The following QARS1 variants were observed in gnomAD, a reference collection of about 807,000 sequenced individuals.
QARS1 encodes glutaminyl-tRNA synthetase 1, also known as glutamine--tRNA ligase.
In QARS1, 79 loss-of-function variants were observed where a neutral mutation model predicts 106.9. The observed-to-expected ratio is 0.74, with a 90% CI of 0.62 to 0.89. The LOEUF (loss-of-function observed/expected upper bound fraction) is 0.89, where lower values mean the gene tolerates loss of function less well. Among genes scored for constraint, QARS1 ranks in the 40% least tolerant of loss-of-function variants. QARS1 has a pLI of 0.00. For synonymous variants in QARS1, 395 were observed against 367.7 expected, an observed-to-expected ratio of 1.07 and a Z score of -0.85; for missense variants, 966 against 997.2, an observed-to-expected ratio of 0.97 and a Z score of 0.42.
rs766037689 is a variant in QARS1, at chr3:49,103,848, TG to T, written c.375+14del. On this transcript the variant is annotated intron_variant, in intron 3 of 23. Coordinates refer to ENST00000306125, the MANE Select transcript of QARS1 (RefSeq NM_005051.3). ...CAGGACTGGGGAGGCAGACGATGCC[TG>T]GGGAAAGACTCACAGCCTCCTCAAT... 6 of 1,612,162 alleles carry T rather than the reference TG, an allele frequency of 3.7e-6. No homozygotes were observed. The African/African-American group carries it at 8.0e-5, about 22-fold the overall frequency.
In QARS1 at chr3:49,099,047, C is replaced by G; in HGVS notation, c.1759-58G>C. 5 of 1,613,346 alleles carry G rather than the reference C, an allele frequency of 3.1e-6. No individual in the cohort carries two copies. In the South Asian group the frequency reaches 5.5e-5, roughly 18 times the overall value. Reference sequence around the variant, plus strand: ...ATACTCAGCATTAGGACCCCCATGCCCAGAGCCAAGTGTACCCCCAGCTAC... The same window carrying G: ...ATACTCAGCATTAGGACCCCCATGCGCAGAGCCAAGTGTACCCCCAGCTAC... On this transcript the variant is annotated intron_variant, in intron 18 of 23. Coordinates refer to ENST00000306125, the MANE Select transcript of QARS1 (RefSeq NM_005051.3).
In QARS1 at chr3:49,098,464, A is replaced by G. The variant is rs777618796; in HGVS notation, c.1973T>C (p.Val658Ala). 1 of 1,614,088 alleles carries G rather than the reference A, an allele frequency of 6.2e-7. No homozygotes were observed. The change falls in exon 21 of 24, where the codon GTA becomes GCA. Residue 658 changes from valine (V) to alanine (A), a missense_variant. Coordinates refer to ENST00000306125, the MANE Select transcript of QARS1 (RefSeq NM_005051.3). ...QHVVKGPSGC[V>A]ESLEVTCRRA... The stretch of plus-strand genomic sequence containing the variant: ...TCTGCAGGTCACCTCCAGACTCTCT[A>G]CACAACCACTGGGGCCCTGGAAGTG...
intron 2 of QARS1, 101 bp from the exon 3 acceptor site, chr3:49,104,073 A>C (rs764270533): frequency 1.6e-6 from 2 of 1,253,796 alleles, no homozygotes; most frequent in Non-Finnish European, 2.3e-6. Context: ...TGGCCTCCTG[A>C]AAAGTTAAGC....
chr3:49,101,890 G>A lies in QARS1; in HGVS notation c.641C>T (p.Ala214Val). 1 of 1,611,328 alleles carries A rather than the reference G, an allele frequency of 6.2e-7. No individual in the cohort carries two copies. The highest frequency in any genetic ancestry group is 8.5e-7 in the Non-Finnish European group (1 of 1,178,662). The change falls in exon 8 of 24, where the codon GCT becomes GTT. Residue 214 changes from alanine to valine, a missense_variant. Transcript: ENST00000306125. ...CTCCATCAGAGACAGGGTCTGGTCA[G>A]CAGTCTCGCCTGTGGGGAACAAAAC... ...AKDVVENGET[A>V]DQTLSLMEQL... is the part of the protein sequence containing the mutation.
intron 8 of QARS1, 55 bp downstream of exon 8, chr3:49,101,773 A>G: frequency 1.2e-6 from 2 of 1,609,258 alleles, no homozygotes; most frequent in Non-Finnish European, 1.7e-6. Context: ...GGGCCTGACT[A>G]TAGGAGCTGC....
At chr3:49,097,057 C>T (rs1048080908) in intron 23 of QARS1, 2 of 150,810 alleles carry the variant, frequency 1.3e-5, no homozygotes, top group Non-Finnish European at 2.9e-5. Flanking sequence ...AATCCCAGCA[C>T]TCTAGGAGGC....
intron 23 of QARS1, chr3:49,097,138 A>G (rs546992005): frequency 1.3e-5 from 2 of 152,448 alleles, no homozygotes; most frequent in South Asian, 2.0e-4. Flanking sequence ...ACTTGCCTCT[A>G]CAAAAAGTTT....
intron 7 of QARS1, 87 bp downstream of exon 7, chr3:49,102,118 A>C (rs2042479169): frequency 6.5e-7 from 1 of 1,545,144 alleles, no homozygotes; most frequent in African/African-American, 1.4e-5. Context: ...GAGTAAGCCA[A>C]GGGCCTGAGG....
At chr3:49,098,521 C>T (rs1478961229) in intron 20 of QARS1, 41 bp from the exon 21 acceptor site, 3 of 1,613,666 alleles carry the variant, frequency 1.9e-6, no homozygotes, top group Non-Finnish European at 1.7e-6. Flanking sequence ...GACCCGGGAA[C>T]CACAACCAGG....
intron 5 of QARS1, among the ~76,000 whole-genome samples, chr3:49,103,077 C>T (rs1040972429): frequency 1.3e-5 from 2 of 152,158 alleles, no homozygotes; most frequent in African/African-American, 4.8e-5. Context: ...CCCACCACAG[C>T]CCCACAAATT....
chr3:49,099,572 G>A lies in QARS1; in HGVS notation c.1464C>T (p.Asn488=). The A allele has an allele frequency of 6.2e-7, 1 of 1,614,204 alleles. No individual in the cohort carries two copies. Among genetic ancestry groups the A allele is most frequent in the Non-Finnish European group, 8.5e-7 (1 of 1,180,024 alleles). Residue 488 remains asparagine, a synonymous_variant, in exon 16 of 24, where the codon AAC becomes AAT. Coordinates refer to ENST00000306125, the MANE Select transcript of QARS1 (RefSeq NM_005051.3). ...TCTTAGAGACAACAGCATAGTGCAG[G>A]TTGAGGCGGCCATACTCCCACTGCA... is the stretch of plus-strand genomic sequence containing the variant. The part of the protein sequence containing the change: ...CPVQWEYGRL[N]LHYAVVSKRK...
At position 49,098,442 on chromosome 3, in the gene QARS1, G is replaced by T. The variant is rs1575399021; in HGVS notation, c.1995C>A (p.Cys665Ter). Residue 665 changes from cysteine (C) to a stop codon, truncating the protein, a stop_gained, in exon 21 of 24, where the codon TGC becomes TGA. Coordinates refer to ENST00000306125, the MANE Select transcript of QARS1 (RefSeq NM_005051.3). LOFTEE classifies it high-confidence loss of function. ...GCTTCTCTCCAGCATCTGCCCGTCT[G>T]CAGGTCACCTCCAGACTCTCTACAC... is the stretch of plus-strand genomic sequence containing the variant. ...SGCVESLEVT[C>*]RRADAGEKPK... 16 of 1,614,210 alleles carry T rather than the reference G, an allele frequency of 9.9e-6. No homozygotes were observed. Among genetic ancestry groups the T allele is most frequent in the Non-Finnish European group, 1.3e-5 (15 of 1,180,038 alleles).
At chr3:49,099,709 G>T (rs1434744334) in intron 15 of QARS1, 52 bp downstream of exon 15, 17 of 1,613,398 alleles carry the variant, frequency 1.1e-5, no homozygotes, top group African/African-American at 4.0e-5. Flanking sequence ...ACCACAGGAA[G>T]GGCTGCTGGA....
chr3:49,098,637 T>C lies in QARS1; in HGVS notation c.1919A>G (p.His640Arg). ...CTGCAGCTCAATGACGTAGCCTGTA[T>C]GCCTCAGGCCCACAGGCTGGCCCCA... ...LAWGQPVGLR[H>R]TGYVIELQHV... The change falls in exon 20 of 24, where the codon CAT becomes CGT. Residue 640 changes from histidine (H) to arginine (R), a missense_variant. By Grantham distance (29) the His-to-Arg change is conservative. Transcript: ENST00000306125. 6.2e-7 allele frequency: 1 copy of C among 1,611,952 alleles called. No homozygotes were observed. The highest frequency in any genetic ancestry group is 8.5e-7 in the Non-Finnish European group (1 of 1,178,986).
chr3:49,097,668 C>T (rs964159471), intron 23 of QARS1, among the ~76,000 whole-genome samples: 8 of 151,748 alleles, frequency 5.3e-5, no homozygotes, highest in South Asian at 4.2e-4. Flanking sequence ...TGGTGGCAGG[C>T]GCCTGTAATC....
At chr3:49,100,151 T>C (rs751836444) in intron 13 of QARS1, 39 bp downstream of exon 13, 6 of 1,614,082 alleles carry the variant, frequency 3.7e-6, no homozygotes, top group East Asian at 4.5e-5. Context: ...TCTCAGCACC[T>C]TGGCCCACCC....
In QARS1 at chr3:49,098,261, G is replaced by A. The variant is rs1024765171; in HGVS notation, c.2085-3C>T. On this transcript the variant is annotated splice_region_variant and splice_polypyrimidine_tract_variant and intron_variant, in intron 21 of 23. Transcript: ENST00000306125. ...CTTCAGGGTTCTTGTGCTGGAATCT[G>A]CAGCCAAAGTGAAGGTCATACCCCC... 1.1e-5 allele frequency: 17 copies of A among 1,614,040 alleles called. No individual in the cohort carries two copies. The Admixed American group carries it at 2.3e-4, about 22-fold the overall frequency.
chr3:49,099,499 G>A lies in QARS1; in HGVS notation c.1526+11C>T, dbSNP rs2107100109. 1.2e-6 allele frequency: 2 copies of A among 1,614,166 alleles called. No homozygotes were observed. Among genetic ancestry groups the A allele is most frequent in the African/African-American group, 2.7e-5 (2 of 75,034 alleles). ...CCATTAACCTTTCATAAGCCAAACA[G>A]CCGCACCTACCGCACAGCACCAGTT... On this transcript the variant is annotated intron_variant, in intron 16 of 23. Transcript: ENST00000306125.
chr3:49,096,574 C>T lies in QARS1; in HGVS notation c.2278-495G>A, dbSNP rs552314930. On this transcript the variant is annotated intron_variant, in intron 23 of 23. Transcript: ENST00000306125. Reference sequence around the variant, plus strand: ...CAGCACTCTGGGAGGCCGAGGCAGGCGGATCATGAGATCAGGAGATCGAGA... The same window carrying T: ...CAGCACTCTGGGAGGCCGAGGCAGGTGGATCATGAGATCAGGAGATCGAGA... Among the ~76,000 whole-genome samples, 6 of 151,374 alleles carry T rather than the reference C, an allele frequency of 4.0e-5. No individual in the cohort carries two copies. In the East Asian group the frequency reaches 9.9e-4, roughly 25 times the overall value.
Sources: allele counts gnomAD v4.1 joint callset (sites outside exome capture counted in the v4.1 genomes callset), GRCh38; gene constraint gnomAD v4.1.1; transcripts MANE v1.5; gene names NCBI Gene and HGNC (gene_info 2026-07-23, HGNC 2026-07-21).